The following REDIC1 variants were observed in gnomAD, a reference collection of about 807,000 sequenced individuals.
REDIC1 encodes HEI10 Interacting Protein 1.
the REDIC1 span, among the ~76,000 whole-genome samples, chr12:39,733,222 T>C: frequency 6.6e-6 from 1 of 152,216 alleles, no homozygotes; most frequent in East Asian, 1.9e-4. Context: ...GCCAATGTAC[T>C]CTGCATGCTT....
chr12:39,829,908 G>A, the REDIC1 span: 106 of 680,498 alleles, frequency 1.6e-4, no homozygotes, highest in East Asian at 3.1e-3. Flanking sequence ...GTCTAGGCCT[G>A]AGTGCTTTCT....
At chr12:39,695,359 G>A in the REDIC1 span, among the ~76,000 whole-genome samples, 4 of 152,132 alleles carry the variant, frequency 2.6e-5, no homozygotes, top group South Asian at 8.3e-4. Context: ...CTGGACCAGA[G>A]GGGAGCCTCC....
the REDIC1 span, among the ~76,000 whole-genome samples, chr12:39,878,968 T>C: frequency 1.1e-4 from 16 of 152,362 alleles, no homozygotes; most frequent in African/African-American, 3.8e-4. Flanking sequence ...CTGTGCAGCC[T>C]TGAGACACTG....
chr12:39,869,025 G>A, the REDIC1 span, among the ~76,000 whole-genome samples: 1 of 152,088 alleles, frequency 6.6e-6, no homozygotes, highest in Admixed American at 6.5e-5. Flanking sequence ...AATAGGGAAC[G>A]ATACTGAATC....
the REDIC1 span, among the ~76,000 whole-genome samples, chr12:39,753,314 G>C: frequency 6.6e-6 from 1 of 151,340 alleles, no homozygotes; most frequent in African/African-American, 2.5e-5. Context: ...TAATGTCACG[G>C]TTTTTGTTTG....
At chr12:39,644,770 A>G in the REDIC1 span, among the ~76,000 whole-genome samples, 1 of 152,072 alleles carries the variant, frequency 6.6e-6, no homozygotes, top group Non-Finnish European at 1.5e-5. Flanking sequence ...ATAAAAATAT[A>G]TTTCCTCATC....
the REDIC1 span, among the ~76,000 whole-genome samples, chr12:39,775,934 T>A: frequency 1.3e-5 from 2 of 152,238 alleles, no homozygotes; most frequent in Non-Finnish European, 2.9e-5. Context: ...AGCGTTTCCT[T>A]TGAGCATCAT....
chr12:39,812,377 CTTTTCTTTCTT>C, the REDIC1 span, among the ~76,000 whole-genome samples: 9 of 118,052 alleles, frequency 7.6e-5, no homozygotes, highest in East Asian at 2.2e-4. Flanking sequence ...CTTTTCTTTT[CTTTTCTTTCTT>C]TCTCTCTCTC....
chr12:39,747,422 T>G, the REDIC1 span, among the ~76,000 whole-genome samples: 2 of 152,196 alleles, frequency 1.3e-5, no homozygotes, highest in African/African-American at 4.8e-5. Context: ...AATACGGGAC[T>G]ATGTGAAAAG....
At chr12:39,669,859 G>A in the REDIC1 span, among the ~76,000 whole-genome samples, 1 of 152,312 alleles carries the variant, frequency 6.6e-6, no homozygotes, top group East Asian at 1.9e-4. Flanking sequence ...CCAGGTGTGG[G>A]GTATAATTTC....
the REDIC1 span, among the ~76,000 whole-genome samples, chr12:39,717,841 G>A: frequency 1.3e-5 from 2 of 151,966 alleles, no homozygotes; most frequent in African/African-American, 4.8e-5. Flanking sequence ...ATGTCTTCTT[G>A]CTTGTTGTCT....
the REDIC1 span, among the ~76,000 whole-genome samples, chr12:39,712,580 T>TACGC: frequency 6.9e-6 from 1 of 144,790 alleles, no homozygotes; most frequent in African/African-American, 2.5e-5. Context: ...TATACGTATA[T>TACGC]ATGTATATAC....
chr12:39,632,576 A>G, the REDIC1 span, among the ~76,000 whole-genome samples: 2 of 152,204 alleles, frequency 1.3e-5, no homozygotes, highest in African/African-American at 4.8e-5. Flanking sequence ...TTGTACATAC[A>G]TATACAGTCA....
the REDIC1 span, among the ~76,000 whole-genome samples, chr12:39,785,764 A>G: frequency 2.6e-5 from 4 of 152,200 alleles, no homozygotes; most frequent in African/African-American, 9.7e-5. Flanking sequence ...CACCTCTTGC[A>G]TCAGCATGAC....
the REDIC1 span, among the ~76,000 whole-genome samples, chr12:39,845,180 T>C: frequency 6.6e-6 from 1 of 152,058 alleles, no homozygotes; most frequent in East Asian, 1.9e-4. Context: ...TTTATGTTGA[T>C]ATAAAATATA....
At chr12:39,827,508 C>G in the REDIC1 span, among the ~76,000 whole-genome samples, 1 of 152,124 alleles carries the variant, frequency 6.6e-6, no homozygotes, top group African/African-American at 2.4e-5. Flanking sequence ...CTAATATTCC[C>G]ATGTGGGCTC....
At chr12:39,699,857 T>G in the REDIC1 span, among the ~76,000 whole-genome samples, 2 of 151,822 alleles carry the variant, frequency 1.3e-5, no homozygotes, top group South Asian at 4.1e-4. Flanking sequence ...CAGCCGGGTA[T>G]GCCAACAGAT....
the REDIC1 span, among the ~76,000 whole-genome samples, chr12:39,714,062 T>C: frequency 0.03 from 4,127 of 139,678 alleles, 170 homozygotes; most frequent in Middle Eastern, 0.038. Context: ...TATACACGTA[T>C]GTGTATATAC....
At chr12:39,749,097 CA>C in the REDIC1 span, among the ~76,000 whole-genome samples, 1 of 151,838 alleles carries the variant, frequency 6.6e-6, no homozygotes, top group African/African-American at 2.4e-5. Flanking sequence ...GATAGAGACA[CA>C]AAAAACCCTT....
Sources: gnomAD v4.1 joint callset for allele counts (sites outside exome capture counted in the v4.1 genomes callset) on GRCh38, gnomAD v4.1.1 for gene constraint, MANE v1.5 for transcripts, NCBI Gene and HGNC (gene_info 2026-07-23, HGNC 2026-07-21) for gene names.